OSBPL11: variants seen among roughly 807,000 people sequenced by gnomAD.
OSBPL11 encodes oxysterol binding protein like 11.
Under a neutral mutation model 84.4 loss-of-function variants are expected in OSBPL11, and 33 were observed. The observed-to-expected ratio is 0.39, with a 90% CI of 0.30 to 0.52. The LOEUF (loss-of-function observed/expected upper bound fraction) is 0.52. Ranked by LOEUF, OSBPL11 falls within the 20% of genes least tolerant of loss-of-function variation. The pLI, the probability that OSBPL11 is intolerant of heterozygous loss-of-function variation, is 0.72. For synonymous variants in OSBPL11, 276 were observed against 310.2 expected (o/e 0.89, Z 1.16); for missense variants, 736 against 901.1 (o/e 0.82, Z 2.35).
intron 1 of OSBPL11, among the ~76,000 whole-genome samples, chr3:125,593,322 T>C (rs145826237): frequency 0.021 from 3,192 of 152,144 alleles, 137 homozygotes; most frequent in African/African-American, 0.072. Flanking sequence ...CACTTACCAA[T>C]AAAAAGTTAT....
intron 7 of OSBPL11, among the ~76,000 whole-genome samples, chr3:125,560,933 G>C (rs945476006): frequency 2.0e-5 from 3 of 147,694 alleles, no homozygotes; most frequent in Non-Finnish European, 4.5e-5. Context: ...TCCTGACCTC[G>C]AGCGATCCAC....
chr3:125,572,930 C>T (rs1559844884), intron 5 of OSBPL11, among the ~76,000 whole-genome samples: 1 of 140,696 alleles, frequency 7.1e-6, no homozygotes, highest in South Asian at 2.2e-4. Flanking sequence ...TATATACACA[C>T]ACACACATAC....
intron 10 of OSBPL11, among the ~76,000 whole-genome samples, chr3:125,542,371 G>A (rs1379469549): frequency 6.6e-6 from 1 of 151,370 alleles, no homozygotes; most frequent in African/African-American, 2.4e-5. Flanking sequence ...TTCTTGTGGA[G>A]TGCAATGGTG....
chr3:125,550,416 A>AC (rs936898914), intron 9 of OSBPL11, among the ~76,000 whole-genome samples: 2 of 148,438 alleles, frequency 1.3e-5, no homozygotes, highest in African/African-American at 5.0e-5. Context: ...CAACAAACAA[A>AC]AAAAAAAAAA....
chr3:125,578,528 G>C (rs201498386), intron 4 of OSBPL11, among the ~76,000 whole-genome samples: 3 of 152,316 alleles, frequency 2.0e-5, no homozygotes, highest in East Asian at 3.9e-4. Context: ...CGGATCACTT[G>C]AGGTCAGGAG....
At position 125,552,131 on chromosome 3, in the gene OSBPL11, A is replaced by G. The variant is rs190608562; in HGVS notation, c.1654+50T>C. 2,016 of 951,096 alleles carry G rather than the reference A, an allele frequency of 2.1e-3. 5 individuals carry two copies. The highest frequency in any genetic ancestry group is 0.014 in the Middle Eastern group (50 of 3,562). The allele number at this position is 951,096 out of a possible 1,614,324, so 58.9% of individuals were successfully genotyped here. A position where few individuals can be genotyped will look rare whatever the true frequency, so the allele number is the denominator to read the frequency against. Reference sequence around the variant, plus strand: ...CTTGGAAAAAAAAATACATATATATATGTGTGTGTGTATATATATATATAT... The same window carrying G: ...CTTGGAAAAAAAAATACATATATATGTGTGTGTGTGTATATATATATATAT... On this transcript the variant is annotated intron_variant, in intron 9 of 12. Transcript: ENST00000296220.
intron 3 of OSBPL11, 53 bp downstream of exon 3, chr3:125,579,812 C>G: frequency 6.5e-7 from 1 of 1,550,222 alleles, no homozygotes; most frequent in Non-Finnish European, 8.9e-7. Context: ...AAGACACCAA[C>G]TTCTCAAAAA....
intron 1 of OSBPL11, 72 bp downstream of exon 1, chr3:125,594,565 C>T: frequency 6.6e-7 from 1 of 1,511,646 alleles, no homozygotes; most frequent in East Asian, 2.3e-5. Flanking sequence ...TCAACAATTG[C>T]GGGATGCAGC....
At position 125,547,537 on chromosome 3, in the gene OSBPL11, T is replaced by C. The variant is rs1407244603; in HGVS notation, c.1710A>G (p.Ala570=). 3 of 1,613,762 alleles carry C rather than the reference T, an allele frequency of 1.9e-6. No homozygotes were observed. The highest frequency in any genetic ancestry group is 1.7e-5 in the Admixed American group (1 of 59,994). Residue 570 remains alanine (A), a synonymous_variant, in exon 10 of 13, where the codon GCA becomes GCG. Coordinates refer to ENST00000296220, the MANE Select transcript of OSBPL11 (RefSeq NM_022776.5). ...GAACAGTCAAAATTGACCGAGCATA[T>C]GCACAGGGTAGAGAAAATGTGTACT... ...GEEYTFSLPC[A]YARSILTVPW...
chr3:125,547,213 A>G (rs921577751), intron 10 of OSBPL11, among the ~76,000 whole-genome samples, 193 bp downstream of exon 10: 1 of 152,244 alleles, frequency 6.6e-6, no homozygotes, highest in Non-Finnish European at 1.5e-5. Context: ...TTAAGAGTAG[A>G]TATCTTAATG....
rs1935526967 is a variant in OSBPL11 at position 125,529,575 on chromosome 3, T to C, written c.*940A>G. On this transcript the variant is annotated 3_prime_UTR_variant, in exon 13 of 13. Coordinates refer to ENST00000296220, the MANE Select transcript of OSBPL11 (RefSeq NM_022776.5). ...TTTTTAACAGAGGTAAAATAAAGCA[T>C]ACTTATCCAAAGGGATAACACATAA... 1 of 152,580 alleles carries C rather than the reference T, an allele frequency of 6.6e-6. No homozygotes were observed. Among genetic ancestry groups the C allele is most frequent in the African/African-American group, 2.4e-5 (1 of 41,444 alleles). The allele number at this position is 152,580 out of a possible 1,614,324, so 9.5% of individuals were successfully genotyped here. A position where few individuals can be genotyped will look rare whatever the true frequency, so the allele number is the denominator to read the frequency against.
chr3:125,590,182 C>T (rs1936575709), intron 1 of OSBPL11, among the ~76,000 whole-genome samples: 2 of 152,220 alleles, frequency 1.3e-5, no homozygotes, highest in South Asian at 2.1e-4. Context: ...AGAAAGCTCA[C>T]ATCATATGAA....
intron 6 of OSBPL11, among the ~76,000 whole-genome samples, chr3:125,566,603 A>G (rs1452571743): frequency 2.6e-5 from 4 of 152,048 alleles, no homozygotes; most frequent in African/African-American, 9.7e-5. Flanking sequence ...GAACAAAGAG[A>G]TGTAAGGTAT....
intron 5 of OSBPL11, among the ~76,000 whole-genome samples, chr3:125,571,565 T>C (rs1936242796): frequency 1.3e-5 from 2 of 152,168 alleles, no homozygotes; most frequent in Admixed American, 1.3e-4. Flanking sequence ...GTCCCCATGC[T>C]GTGTGCAGCT....
In OSBPL11 at chr3:125,562,957, A is replaced by G. The variant is rs1172011577; in HGVS notation, c.1014+741T>C. 2.6e-5 allele frequency among the ~76,000 whole-genome samples: 4 copies of G among 151,940 alleles called. No homozygotes were observed. The East Asian group carries it at 5.8e-4, about 22-fold the overall frequency. On this transcript the variant is annotated intron_variant, in intron 7 of 12. Coordinates refer to ENST00000296220, the MANE Select transcript of OSBPL11 (RefSeq NM_022776.5). ...AAAAGGAGAAAAAGTTGGAAACAAG[A>G]TAATAAAGTGTTATTTATAATTAAA...
intron 4 of OSBPL11, among the ~76,000 whole-genome samples, chr3:125,576,938 C>T (rs1019024278): frequency 3.9e-5 from 6 of 152,230 alleles, no homozygotes; most frequent in African/African-American, 1.4e-4. Context: ...CCCACCTCAG[C>T]TTCCCGAAGT....
intron 1 of OSBPL11, among the ~76,000 whole-genome samples, chr3:125,589,340 C>T (rs1164071861): frequency 1.1e-5 from 1 of 89,992 alleles, no homozygotes; most frequent in Non-Finnish European, 2.2e-5. Context: ...GAAACTCCAT[C>T]TCAAAAAAAA....
intron 4 of OSBPL11, among the ~76,000 whole-genome samples, chr3:125,576,695 T>G (rs1219819490): frequency 2.6e-5 from 4 of 152,034 alleles, no homozygotes; most frequent in Non-Finnish European, 5.9e-5. Flanking sequence ...TTTTTTTTTT[T>G]CTTTTTGAGA....
chr3:125,553,290 T>C (rs1026533822), intron 8 of OSBPL11, among the ~76,000 whole-genome samples: 5 of 152,234 alleles, frequency 3.3e-5, no homozygotes, highest in Admixed American at 2.6e-4. Context: ...CCTTTGCTCC[T>C]TTCCTATGTT....
Sources: gnomAD v4.1 joint callset for allele counts (sites outside exome capture counted in the v4.1 genomes callset) on GRCh38, gnomAD v4.1.1 for gene constraint, MANE v1.5 for transcripts, NCBI Gene and HGNC (gene_info 2026-07-23, HGNC 2026-07-21) for gene names.